The following ANKRD13C variants were observed in gnomAD, a reference collection of about 807,000 sequenced individuals.
ANKRD13C encodes ankyrin repeat domain 13C.
ANKRD13C carries 16 observed loss-of-function variants against 65.5 expected under a neutral mutation model. The observed-to-expected ratio is 0.24, with a 90% CI of 0.17 to 0.37. The LOEUF is 0.37. Ranked by LOEUF, ANKRD13C falls within the 10% of genes least tolerant of loss-of-function variation. ANKRD13C has a pLI of 1.00. For missense variants in ANKRD13C, 503 were observed against 655.9 expected, an observed-to-expected ratio of 0.77 and a Z score of 2.55; for synonymous variants, 235 against 238.7, an observed-to-expected ratio of 0.98 and a Z score of 0.14.
In ANKRD13C at chr1:70,352,922, GT is replaced by G. The variant is rs377101963; in HGVS notation, c.430+1056del. On this transcript the variant is annotated intron_variant, in intron 1 of 12. Coordinates refer to ENST00000370944, the MANE Select transcript of ANKRD13C (RefSeq NM_030816.5). ...TATACAGCCAAGAGAAATCTTACTC[GT>G]TTTTTTTATCTGAATTTTTGTCCTA... is the stretch of plus-strand genomic sequence containing the variant. Among the ~76,000 whole-genome samples the G allele has an allele frequency of 4.5e-3, 684 of 151,884 alleles. 3 individuals carry two copies. The highest frequency in any genetic ancestry group is 0.015 in the African/African-American group (625 of 41,414).
At chr1:70,294,753 G>A (rs115156549) in intron 8 of ANKRD13C, among the ~76,000 whole-genome samples, 1 of 151,658 alleles carries the variant, frequency 6.6e-6, no homozygotes, top group Admixed American at 6.6e-5. Flanking sequence ...ATCCTTCCAA[G>A]CACCTGCGAC....
intron 1 of ANKRD13C, among the ~76,000 whole-genome samples, chr1:70,350,397 CACAA>C (rs1322424429): frequency 6.6e-6 from 1 of 152,172 alleles, no homozygotes; most frequent in Non-Finnish European, 1.5e-5. Context: ...CTAAATACTT[CACAA>C]ACAATGTGAT....
chr1:70,323,767 C>T (rs1411335875), intron 3 of ANKRD13C, among the ~76,000 whole-genome samples: 4 of 149,442 alleles, frequency 2.7e-5, no homozygotes, highest in Non-Finnish European at 5.9e-5. Context: ...TCTTGTCGCC[C>T]GGGCTGGAGT....
At position 70,262,476 on chromosome 1, in the gene ANKRD13C, T is replaced by G. The variant is rs1678426619; in HGVS notation, c.*241A>C. 7.4e-6 allele frequency: 2 copies of G among 270,780 alleles called. No individual in the cohort carries two copies. Among genetic ancestry groups the G allele is most frequent in the Non-Finnish European group, 1.4e-5 (2 of 141,876 alleles). 16.8% of individuals were successfully genotyped at this position (270,780 alleles called of 1,614,324 possible). A position where few individuals can be genotyped will look rare whatever the true frequency, so the allele number is the denominator to read the frequency against. ...TCACATACGCAGGTCTTAGGGTCAT[T>G]AATGTGTCAAACTATTACATTTATA... On this transcript the variant is annotated 3_prime_UTR_variant, in exon 13 of 13. Transcript: ENST00000370944.
chr1:70,300,398 G>C lies in ANKRD13C; in HGVS notation c.921+366C>G, dbSNP rs772319830. ...AGGTCAGGAGTTTGAGACCAACCTA[G>C]CCAACATGGTGAAACCAAGCCTCTA... is the stretch of plus-strand genomic sequence containing the variant. On this transcript the variant is annotated intron_variant, in intron 7 of 12. Coordinates refer to ENST00000370944, the MANE Select transcript of ANKRD13C (RefSeq NM_030816.5). 8.2e-4 allele frequency among the ~76,000 whole-genome samples: 125 copies of C among 152,246 alleles called. No individual in the cohort carries two copies. The Middle Eastern group carries it at 0.017, about 21-fold the overall frequency.
At chr1:70,312,660 C>T (rs12027740) in intron 5 of ANKRD13C, among the ~76,000 whole-genome samples, 284 of 142,112 alleles carry the variant, frequency 2.0e-3, no homozygotes, top group East Asian at 3.0e-3. Context: ...GAGTGAGACT[C>T]TGTCTCCAAA....
chr1:70,321,670 A>G (rs1464717925), intron 3 of ANKRD13C, among the ~76,000 whole-genome samples: 1 of 152,208 alleles, frequency 6.6e-6, no homozygotes, highest in East Asian at 1.9e-4. Flanking sequence ...TGGGAAAAAA[A>G]GGCTTTTTAG....
At chr1:70,305,563 G>A (rs1680551867) in intron 6 of ANKRD13C, 1 of 151,646 alleles carries the variant, frequency 6.6e-6, no homozygotes, top group Non-Finnish European at 1.5e-5. Flanking sequence ...ATAAAAGTTG[G>A]CATACTAACT....
intron 6 of ANKRD13C, among the ~76,000 whole-genome samples, chr1:70,302,325 T>C (rs1230156100): frequency 6.6e-6 from 1 of 151,968 alleles, no homozygotes; most frequent in Admixed American, 6.6e-5. Context: ...GGCGGGGGGC[T>C]GCCTGTTGCT....
intron 4 of ANKRD13C, 79 bp downstream of exon 4, chr1:70,315,401 GT>G (rs1199072629): frequency 8.2e-7 from 1 of 1,214,710 alleles, no homozygotes; most frequent in East Asian, 2.4e-5. Flanking sequence ...GAGAATTTAA[GT>G]TGTATTAAGA....
At chr1:70,333,709 G>A (rs1013000815) in intron 2 of ANKRD13C, among the ~76,000 whole-genome samples, 2 of 152,104 alleles carry the variant, frequency 1.3e-5, no homozygotes, top group Non-Finnish European at 2.9e-5. Context: ...ATTATTTTAG[G>A]TCTGTTCAAT....
chr1:70,348,715 G>A (rs1489764322), intron 1 of ANKRD13C, among the ~76,000 whole-genome samples: 1 of 152,114 alleles, frequency 6.6e-6, no homozygotes, highest in African/African-American at 2.4e-5. Context: ...ATTCTCAACT[G>A]AATTTTAACT....
chr1:70,280,956 T>C (rs904441027), intron 9 of ANKRD13C, among the ~76,000 whole-genome samples: 1 of 152,026 alleles, frequency 6.6e-6, no homozygotes, highest in African/African-American at 2.4e-5. Flanking sequence ...GATTTTGTGA[T>C]TGATCAGATA....
Position 70,354,498 on chromosome 1 carries a change from G to A in ANKRD13C, c.-90C>T. The A allele has an allele frequency of 6.8e-7, 1 of 1,479,558 alleles. No homozygotes were observed. Among genetic ancestry groups the A allele is most frequent in the East Asian group, 2.4e-5 (1 of 41,326 alleles). The allele number at this position is 1,479,558 out of a possible 1,614,324, so 91.7% of individuals were successfully genotyped here. On this transcript the variant is annotated 5_prime_UTR_variant, in exon 1 of 13. Transcript: ENST00000370944. ...GGCGGCACAAGGCGATTAGAGCGGTGGCCAAGAGCCTCCAGCGCAGCATGA... is the reference window on the plus strand; with the variant it reads ...GGCGGCACAAGGCGATTAGAGCGGTAGCCAAGAGCCTCCAGCGCAGCATGA...
intron 9 of ANKRD13C, among the ~76,000 whole-genome samples, chr1:70,287,563 T>A (rs2101219092): frequency 6.6e-6 from 1 of 152,162 alleles, no homozygotes; most frequent in South Asian, 2.1e-4. Flanking sequence ...GCATGTGACA[T>A]AAGATAAAAA....
chr1:70,302,881 G>C (rs975414482), intron 6 of ANKRD13C, among the ~76,000 whole-genome samples: 5 of 151,898 alleles, frequency 3.3e-5, no homozygotes, highest in Non-Finnish European at 7.4e-5. Flanking sequence ...AGCTATCAGG[G>C]AATGTTATGC....
At position 70,354,522 on chromosome 1, in the gene ANKRD13C, G is replaced by C; in HGVS notation, c.-114C>G. On this transcript the variant is annotated 5_prime_UTR_variant, in exon 1 of 13. An upstream open reading frame in the 5' UTR gains an earlier in-frame stop. Transcript: ENST00000370944. ...TGGCCAAGAGCCTCCAGCGCAGCAT[G>C]AACTCCCACTGAGCCCCCGAGCCTG... 14 of 1,449,164 alleles carry C rather than the reference G, an allele frequency of 9.7e-6. No homozygotes were observed. The highest frequency in any genetic ancestry group is 2.5e-5 in the East Asian group (1 of 40,270). The allele number at this position is 1,449,164 out of a possible 1,614,324, so 89.8% of individuals were successfully genotyped here.
chr1:70,285,108 C>G (rs565803521), intron 9 of ANKRD13C, among the ~76,000 whole-genome samples: 1 of 150,916 alleles, frequency 6.6e-6, no homozygotes, highest in Admixed American at 6.6e-5. Flanking sequence ...TAGCACATGT[C>G]TATTTCTACA....
At chr1:70,351,372 G>A (rs1029891077) in intron 1 of ANKRD13C, among the ~76,000 whole-genome samples, 2 of 152,126 alleles carry the variant, frequency 1.3e-5, no homozygotes, top group African/African-American at 4.8e-5. Flanking sequence ...GCAATCCAAA[G>A]AGAATATACA....
Sources: gnomAD v4.1 joint callset for allele counts (sites outside exome capture counted in the v4.1 genomes callset) on GRCh38, gnomAD v4.1.1 for gene constraint, MANE v1.5 for transcripts, NCBI Gene and HGNC (gene_info 2026-07-23, HGNC 2026-07-21) for gene names.